Variants in SFMBT2 observed in about 807,000 individuals in gnomAD.
SFMBT2 encodes Scm like with four mbt domains 2.
Under a neutral mutation model 110.1 loss-of-function variants are expected in SFMBT2, and 38 were observed. That is an observed-to-expected ratio of 0.35 (90% confidence interval 0.27 to 0.45). The LOEUF (loss-of-function observed/expected upper bound fraction) is 0.45. SFMBT2 is among the 20% of genes least tolerant of loss of function. The pLI is 1.00. For synonymous variants in SFMBT2, 425 were observed against 425.4 expected (o/e 1.00, Z 0.01); for missense variants, 1,011 against 1,094.9 (o/e 0.92, Z 1.08).
intron 4 of SFMBT2, among the ~76,000 whole-genome samples, chr10:7,297,534 C>T (rs1211176175): frequency 1.8e-4 from 27 of 151,482 alleles, no homozygotes; most frequent in Non-Finnish European, 7.4e-5. Flanking sequence ...AGGGAAAGGG[C>T]GAATGGGAGG....
At chr10:7,365,503 T>G (rs984292137) in intron 4 of SFMBT2, among the ~76,000 whole-genome samples, 4 of 152,210 alleles carry the variant, frequency 2.6e-5, no homozygotes, top group Non-Finnish European at 5.9e-5. Flanking sequence ...GTTCACACCA[T>G]GCAGCTTACT....
chr10:7,384,627 C>T (rs1236836042), intron 1 of SFMBT2, among the ~76,000 whole-genome samples: 2 of 152,120 alleles, frequency 1.3e-5, no homozygotes, highest in Non-Finnish European at 2.9e-5. Context: ...AATGAAGGAA[C>T]CTTTTAACAG....
intron 4 of SFMBT2, among the ~76,000 whole-genome samples, chr10:7,316,887 C>T (rs1843030494): frequency 6.6e-6 from 1 of 151,274 alleles, no homozygotes; most frequent in South Asian, 2.1e-4. Context: ...CACATAAACA[C>T]ACACACACAC....
chr10:7,396,206 G>A (rs1172247644), intron 1 of SFMBT2, among the ~76,000 whole-genome samples: 17 of 152,284 alleles, frequency 1.1e-4, no homozygotes, highest in South Asian at 4.1e-4. Flanking sequence ...CCAAGATTGC[G>A]CCACTGCGCT....
chr10:7,257,535 A>C lies in SFMBT2; in HGVS notation c.871-8886T>G, dbSNP rs116775757. Among the ~76,000 whole-genome samples the C allele has an allele frequency of 2.8e-3, 434 of 152,348 alleles. 5 individuals are homozygous for C. The highest frequency in any genetic ancestry group is 0.019 in the South Asian group (94 of 4,830). On this transcript the variant is annotated intron_variant, in intron 7 of 20. Transcript: ENST00000397167. ...GGTGAACAGCAAAGTTCTTTATAAA[A>C]TACAGTATACACGTGGCTGTGAGTA...
intron 1 of SFMBT2, among the ~76,000 whole-genome samples, chr10:7,393,232 T>C (rs1845830785): frequency 6.6e-6 from 1 of 151,772 alleles, no homozygotes; most frequent in African/African-American, 2.4e-5. Context: ...CATTTTGCCA[T>C]GTTGGTCAGG....
At chr10:7,353,157 A>C (rs1244257707) in intron 4 of SFMBT2, among the ~76,000 whole-genome samples, 1 of 152,244 alleles carries the variant, frequency 6.6e-6, no homozygotes, top group Non-Finnish European at 1.5e-5. Flanking sequence ...TCAATATAAA[A>C]TGCTTAATAA....
chr10:7,170,926 A>G lies in SFMBT2; in HGVS notation c.2544+2T>C. ...ACAATCGACACGCGGCAACCACCGTACCTGCTCCTGAAATATCTTGGCCAA... is the reference window on the plus strand; with the variant it reads ...ACAATCGACACGCGGCAACCACCGTGCCTGCTCCTGAAATATCTTGGCCAA... On this transcript the variant is annotated splice_donor_variant, in intron 20 of 20. Transcript: ENST00000397167. LOFTEE classifies it high-confidence loss of function. The surrounding 1 kb of genome is among the most constrained non-coding windows in gnomAD (Gnocchi z 4.6). The G allele has an allele frequency of 6.2e-7, 1 of 1,614,158 alleles. No individual in the cohort carries two copies. Among genetic ancestry groups the G allele is most frequent in the Non-Finnish European group, 8.5e-7 (1 of 1,179,994 alleles).
chr10:7,274,979 G>A (rs1841722981), intron 7 of SFMBT2, among the ~76,000 whole-genome samples: 1 of 152,220 alleles, frequency 6.6e-6, no homozygotes, highest in Non-Finnish European at 1.5e-5. Flanking sequence ...TAGGGAAAGG[G>A]CCCTCTCTGA....
intron 4 of SFMBT2, among the ~76,000 whole-genome samples, chr10:7,311,045 C>CAAAAAAAAAAAAA (rs201310544): frequency 1.0e-5 from 1 of 96,938 alleles, no homozygotes; most frequent in Non-Finnish European, 2.0e-5. Flanking sequence ...AACTCCATCT[C>CAAAAAAAAAAAAA]AAAAAAAAAA....
chr10:7,323,450 CA>C (rs1388420156), intron 4 of SFMBT2, among the ~76,000 whole-genome samples: 81 of 22,902 alleles, frequency 3.5e-3, no homozygotes, highest in East Asian at 5.0e-3. Flanking sequence ...GACTCCATCT[CA>C]AAAAAAAAAA....
At chr10:7,382,400 G>A (rs1009859280) in intron 1 of SFMBT2, among the ~76,000 whole-genome samples, 4 of 151,974 alleles carry the variant, frequency 2.6e-5, no homozygotes, top group African/African-American at 9.7e-5. Flanking sequence ...ACAGAGTGAG[G>A]CTTTGTCTCA....
At chr10:7,351,917 C>A (rs747307414) in intron 4 of SFMBT2, among the ~76,000 whole-genome samples, 12 of 151,748 alleles carry the variant, frequency 7.9e-5, no homozygotes, top group Non-Finnish European at 1.5e-4. Context: ...GGGAACTTTC[C>A]ACATGACAGG....
At position 7,284,046 on chromosome 10, in the gene SFMBT2, T is replaced by A. The variant is rs1284535827; in HGVS notation, c.630A>T (p.Glu210Asp). The part of the protein sequence containing the change: ...PFQYWIVSVI[E>D]NVGGRLRLRY... ...GAAGGCGTAATCTTCCTCCAACATT[T>A]TCAATCACACTAACTATCCAGTACT... Residue 210 changes from glutamate to aspartate, a missense_variant, in exon 6 of 21, where the codon GAA (glutamate) becomes GAT (aspartate). Coordinates refer to ENST00000397167, the MANE Select transcript of SFMBT2 (RefSeq NM_001387889.1). 6.2e-7 allele frequency: 1 copy of A among 1,614,156 alleles called. No individual in the cohort carries two copies. Among genetic ancestry groups the A allele is most frequent in the Non-Finnish European group, 8.5e-7 (1 of 1,180,034 alleles).
rs1837842712 is a variant in SFMBT2 at position 7,170,536 on chromosome 10, C to T, written c.2544+392G>A. On this transcript the variant is annotated intron_variant, in intron 20 of 20. Coordinates refer to ENST00000397167, the MANE Select transcript of SFMBT2 (RefSeq NM_001387889.1). This position sits in a 1 kb window ranked among gnomAD's most constrained non-coding sequence, Gnocchi z 4.6. ...GCATCTGAAAGGGCCAGCCAGGGAA[C>T]TGGGACTCTCACCCCTGCCTGGTGG... is the stretch of plus-strand genomic sequence containing the variant. 6.6e-6 allele frequency among the ~76,000 whole-genome samples: 1 copy of T among 152,186 alleles called. No individual in the cohort carries two copies. The highest frequency in any genetic ancestry group is 2.4e-5 in the African/African-American group (1 of 41,456).
intron 4 of SFMBT2, among the ~76,000 whole-genome samples, chr10:7,318,005 T>C (rs529894863): frequency 6.6e-6 from 1 of 152,250 alleles, no homozygotes; most frequent in East Asian, 1.9e-4. Flanking sequence ...ACCACAAAGA[T>C]ATGCACCATC....
chr10:7,312,682 T>C (rs970717144), intron 4 of SFMBT2, among the ~76,000 whole-genome samples: 26 of 152,158 alleles, frequency 1.7e-4, no homozygotes, highest in African/African-American at 5.6e-4. Flanking sequence ...AGCTTAATGG[T>C]CTGTTTCGTT....
intron 8 of SFMBT2, chr10:7,244,152 A>G (rs1270769552): frequency 3.5e-6 from 1 of 287,416 alleles, no homozygotes; most frequent in Non-Finnish European, 5.2e-6. Flanking sequence ...GGAGCTTTCT[A>G]GCCTCCTCCT....
chr10:7,405,067 C>A (rs1345314594), intron 1 of SFMBT2, among the ~76,000 whole-genome samples: 1 of 152,126 alleles, frequency 6.6e-6, no homozygotes, highest in Non-Finnish European at 1.5e-5. Flanking sequence ...TAGGAATTGT[C>A]CCAGAAATTT....
Sources: allele counts gnomAD v4.1 joint callset (sites outside exome capture counted in the v4.1 genomes callset), GRCh38; gene constraint gnomAD v4.1.1; non-coding constraint Gnocchi (gnomAD v3.1); transcripts MANE v1.5; gene names NCBI Gene and HGNC (gene_info 2026-07-23, HGNC 2026-07-21).